The following TGM6 variants were observed in gnomAD, a reference collection of about 807,000 sequenced individuals.
TGM6 encodes the protein transglutaminase 6.
In TGM6, 74 loss-of-function variants were observed where a neutral mutation model predicts 77.5. The observed-to-expected ratio is 0.96, with a 90% CI of 0.79 to 1.16. TGM6 has a LOEUF of 1.16. TGM6 is among the 50% of genes most tolerant of loss of function. The pLI is 0.00. For missense variants in TGM6, 968 were observed against 940.2 expected, an observed-to-expected ratio of 1.03 and a Z score of -0.39; for synonymous variants, 383 against 378.9, an observed-to-expected ratio of 1.01 and a Z score of -0.12.
chr20:2,386,813 G>C (rs1471861951), intron 1 of TGM6, among the ~76,000 whole-genome samples: 1 of 152,100 alleles, frequency 6.6e-6, no homozygotes, highest in Non-Finnish European at 1.5e-5. Context: ...CAGGGAAGGG[G>C]GGAAACCAGT....
At chr20:2,423,498 C>G (rs2084869465) in intron 10 of TGM6, among the ~76,000 whole-genome samples, 1 of 152,174 alleles carries the variant, frequency 6.6e-6, no homozygotes, top group East Asian at 1.9e-4. Flanking sequence ...TCAAGTTTTA[C>G]CATCAGATGG....
chr20:2,425,593 G>A (rs1265231701), intron 10 of TGM6, among the ~76,000 whole-genome samples: 1 of 152,100 alleles, frequency 6.6e-6, no homozygotes, highest in Non-Finnish European at 1.5e-5. Flanking sequence ...GGTACCTGAA[G>A]TCAGGTAGTG....
chr20:2,394,731 G>A, intron 2 of TGM6, 106 bp downstream of exon 2: 1 of 1,297,658 alleles, frequency 7.7e-7, no homozygotes, highest in South Asian at 1.3e-5. Flanking sequence ...TCTGGGGGAA[G>A]CAAGTCACTG....
At chr20:2,414,208 C>T (rs543709232) in intron 9 of TGM6, among the ~76,000 whole-genome samples, 1 of 151,888 alleles carries the variant, frequency 6.6e-6, no homozygotes, top group South Asian at 2.1e-4. Context: ...TCCATCTCTA[C>T]AAAATAAAGA....
chr20:2,383,465 A>G (rs145390199), intron 1 of TGM6, among the ~76,000 whole-genome samples: 9 of 152,234 alleles, frequency 5.9e-5, no homozygotes, highest in Admixed American at 1.3e-4. Flanking sequence ...CTGGTGAGCA[A>G]ATTAGTTGGG....
rs1274342357 is a variant in TGM6 at position 2,395,331 on chromosome 20, G to A, written c.319G>A (p.Ala107Thr). The A allele has an allele frequency of 1.4e-5, 23 of 1,614,116 alleles. No homozygotes were observed. The highest frequency in any genetic ancestry group is 1.9e-5 in the Non-Finnish European group (22 of 1,180,042). Reference protein sequence around the residue: ...LTVSLASPPSAVIGRYLLSIR... With the variant: ...LTVSLASPPSTVIGRYLLSIR... ...CGTCAGTCTCGCCAGCCCTCCCAGTGCTGTCATTGGCCGCTACCTGCTGAG... is the reference window on the plus strand; with the variant it reads ...CGTCAGTCTCGCCAGCCCTCCCAGTACTGTCATTGGCCGCTACCTGCTGAG... Residue 107 changes from alanine to threonine, a missense_variant, in exon 3 of 13, where the codon GCT (alanine) becomes ACT (threonine). Physicochemically the swap from Ala to Thr is moderately conservative, Grantham distance 58 (BLOSUM62 0). Transcript: ENST00000202625.
chr20:2,400,436 C>T lies in TGM6; in HGVS notation c.981C>T (p.Asp327=). The T allele has an allele frequency of 6.2e-7, 1 of 1,614,192 alleles. No individual in the cohort carries two copies. Among genetic ancestry groups the T allele is most frequent in the Non-Finnish European group, 8.5e-7 (1 of 1,180,040 alleles). Residue 327 remains aspartate (D), a synonymous_variant, in exon 7 of 13, where the codon GAC becomes GAT. Coordinates refer to ENST00000202625, the MANE Select transcript of TGM6 (RefSeq NM_198994.3). ...FGRTLEDLTE[D]SMWNFHVWNE... ...GGACCCTGGAGGACCTGACAGAAGA[C>T]AGCATGTGGTGGGTCCTGCCCCCAG...
chr20:2,404,385 C>T (rs2084735679), intron 9 of TGM6, among the ~76,000 whole-genome samples: 1 of 152,218 alleles, frequency 6.6e-6, no homozygotes, highest in Non-Finnish European at 1.5e-5. Context: ...CCCTTTCCCA[C>T]TGTGTAACAG....
rs1363428101 is a variant in TGM6 at position 2,400,343 on chromosome 20, C to T, written c.888C>T (p.Ser296=). The change falls in exon 7 of 13, where the codon TCC becomes TCT. Residue 296 remains serine, a synonymous_variant. Coordinates refer to ENST00000202625, the MANE Select transcript of TGM6 (RefSeq NM_198994.3). ...TGGGGATAGCCACACGGGTCGTGTC[C>T]AACTTCAACTCAGCCCACGACACAG... ...RCLGIATRVV[S]NFNSAHDTDQ... is the part of the protein sequence containing the mutation. The T allele has an allele frequency of 1.2e-6, 2 of 1,614,198 alleles. No homozygotes were observed. Among genetic ancestry groups the T allele is most frequent in the Admixed American group, 3.3e-5 (2 of 60,024 alleles).
chr20:2,425,352 G>GAA (rs34445977), intron 10 of TGM6, among the ~76,000 whole-genome samples: 1 of 137,732 alleles, frequency 7.3e-6, no homozygotes. Context: ...TTGTCTTAAA[G>GAA]AAAAAAAAAA....
At chr20:2,421,689 C>T (rs543473346) in intron 10 of TGM6, among the ~76,000 whole-genome samples, 1 of 152,260 alleles carries the variant, frequency 6.6e-6, no homozygotes, top group South Asian at 2.1e-4. Context: ...AGTCTTTTAT[C>T]GGATGTCTTT....
At chr20:2,406,213 C>T (rs759973560) in intron 9 of TGM6, among the ~76,000 whole-genome samples, 1 of 152,206 alleles carries the variant, frequency 6.6e-6, no homozygotes, top group African/African-American at 2.4e-5. Context: ...CTCTTCTGAG[C>T]TGCCACCTCT....
chr20:2,389,284 T>A (rs2084615668), intron 1 of TGM6, among the ~76,000 whole-genome samples: 1 of 152,138 alleles, frequency 6.6e-6, no homozygotes, highest in Non-Finnish European at 1.5e-5. Flanking sequence ...TTGCCAGCCA[T>A]GTAAGTTAGT....
intron 1 of TGM6, among the ~76,000 whole-genome samples, chr20:2,393,042 A>G (rs1271455987): frequency 6.6e-6 from 1 of 152,224 alleles, no homozygotes; most frequent in Non-Finnish European, 1.5e-5. Flanking sequence ...CCACATCTAT[A>G]TACTCAGCAC....
intron 10 of TGM6, among the ~76,000 whole-genome samples, chr20:2,424,700 A>AATT (rs2084876788): frequency 6.6e-6 from 1 of 152,132 alleles, no homozygotes; most frequent in Non-Finnish European, 1.5e-5. Context: ...TGCATTCAAA[A>AATT]CCTTGCTGTT....
intron 1 of TGM6, among the ~76,000 whole-genome samples, chr20:2,386,100 G>C (rs1438486868): frequency 6.6e-6 from 1 of 152,112 alleles, no homozygotes; most frequent in Non-Finnish European, 1.5e-5. Flanking sequence ...CCTCGCCTTG[G>C]GCTGCCGTAT....
intron 9 of TGM6, among the ~76,000 whole-genome samples, chr20:2,410,375 C>T (rs2084777792): frequency 6.6e-6 from 1 of 152,122 alleles, no homozygotes; most frequent in African/African-American, 2.4e-5. Context: ...AAACCCCACA[C>T]CACCCCTGCC....
intron 1 of TGM6, among the ~76,000 whole-genome samples, chr20:2,381,226 C>T (rs1165277430): frequency 6.6e-6 from 1 of 152,154 alleles, no homozygotes; most frequent in Non-Finnish European, 1.5e-5. Flanking sequence ...CAGGTCTCAC[C>T]CCTGTGCCTC....
chr20:2,381,178 G>T (rs936491460), intron 1 of TGM6, among the ~76,000 whole-genome samples: 13 of 152,142 alleles, frequency 8.5e-5, no homozygotes, highest in Non-Finnish European at 1.8e-4. Context: ...CAAGGCCATG[G>T]CCCAGGCTGG....
Sources: allele counts gnomAD v4.1 joint callset (sites outside exome capture counted in the v4.1 genomes callset), GRCh38; gene constraint gnomAD v4.1.1; transcripts MANE v1.5; gene names NCBI Gene and HGNC (gene_info 2026-07-23, HGNC 2026-07-21).